RBFOX1: variants seen among roughly 807,000 people sequenced by gnomAD.
The protein encoded by RBFOX1 is RNA binding fox-1 homolog 1.
Under a neutral mutation model 57.7 loss-of-function variants are expected in RBFOX1, and 8 were observed. The ratio of observed to expected loss-of-function variants is 0.14; its 90% CI spans 0.08 to 0.25. RBFOX1 has a LOEUF of 0.25. Ranked by LOEUF, RBFOX1 falls within the 10% of genes least tolerant of loss-of-function variation. RBFOX1 has a pLI of 1.00. For missense variants in RBFOX1, 611 were observed against 548.5 expected, an observed-to-expected ratio of 1.11 and a Z score of -1.14; for synonymous variants, 326 against 222.4, an observed-to-expected ratio of 1.47 and a Z score of -4.15.
intron 11 of RBFOX1, among the ~76,000 whole-genome samples, chr16:7,630,962 T>G (rs376588773): frequency 1.3e-5 from 2 of 152,238 alleles, no homozygotes; most frequent in East Asian, 3.9e-4. Flanking sequence ...TTTAGCTCAT[T>G]GCCTGCCTTC....
intron 4 of RBFOX1, among the ~76,000 whole-genome samples, chr16:7,246,563 C>G (rs553729417): frequency 1.3e-5 from 2 of 151,958 alleles, no homozygotes; most frequent in Non-Finnish European, 1.5e-5. Flanking sequence ...CCACAAACGC[C>G]AAGCTTATTA....
intron 3 of RBFOX1, among the ~76,000 whole-genome samples, chr16:5,691,075 A>T (rs2050662772): frequency 1.3e-5 from 2 of 152,190 alleles, no homozygotes; most frequent in African/African-American, 4.8e-5. Flanking sequence ...ATTCACCCTG[A>T]CTGTGGCTCT....
At chr16:6,283,097 C>G (rs925440150) in intron 1 of RBFOX1, among the ~76,000 whole-genome samples, 6 of 152,136 alleles carry the variant, frequency 3.9e-5, no homozygotes, top group Admixed American at 1.3e-4. Flanking sequence ...GAGGCCAAGG[C>G]AGGAGGATCA....
intron 3 of RBFOX1, among the ~76,000 whole-genome samples, chr16:5,773,529 A>T (rs2054047230): frequency 6.6e-6 from 1 of 152,158 alleles, no homozygotes; most frequent in South Asian, 2.1e-4. Context: ...CAGTTGCTAT[A>T]TTAGTTTTTT....
At chr16:6,731,020 G>C (rs977486615) in intron 3 of RBFOX1, among the ~76,000 whole-genome samples, 3 of 152,120 alleles carry the variant, frequency 2.0e-5, no homozygotes, top group African/African-American at 7.2e-5. Flanking sequence ...ACAAAAGAGA[G>C]GTTATGTTTG....
In RBFOX1 at chr16:6,791,153, C is replaced by T. The variant is rs557681819; in HGVS notation, c.-16+136503C>T. On this transcript the variant is annotated intron_variant, in intron 3 of 15. Coordinates refer to ENST00000550418, the MANE Select transcript of RBFOX1 (RefSeq NM_018723.4). Reference sequence around the variant, plus strand: ...AACTCCTGACCTCAAGAGATCCTCCCGCCTCAGCCTCCCAAAGTGCTGGGG... The same window carrying T: ...AACTCCTGACCTCAAGAGATCCTCCTGCCTCAGCCTCCCAAAGTGCTGGGG... Among the ~76,000 whole-genome samples the T allele has an allele frequency of 4.3e-4, 65 of 152,120 alleles. No individual in the cohort carries two copies. In the East Asian group the frequency reaches 9.3e-3, roughly 22 times the overall value.
intron 12 of RBFOX1, among the ~76,000 whole-genome samples, chr16:7,657,513 C>T (rs983072074): frequency 5.3e-5 from 8 of 152,198 alleles, no homozygotes; most frequent in Admixed American, 4.6e-4. Context: ...CCATTTTGGC[C>T]AGGCTGGTCT....
intron 4 of RBFOX1, among the ~76,000 whole-genome samples, chr16:7,162,864 C>T (rs1325049462): frequency 6.6e-6 from 1 of 152,188 alleles, no homozygotes; most frequent in Non-Finnish European, 1.5e-5. Context: ...GCTGGAGAAG[C>T]AGTGTGGGGT....
intron 4 of RBFOX1, among the ~76,000 whole-genome samples, chr16:5,963,980 G>A (rs936836301): frequency 6.6e-6 from 1 of 152,144 alleles, no homozygotes; most frequent in Non-Finnish European, 1.5e-5. Flanking sequence ...TGAAATGGGA[G>A]AAAATATTTG....
At chr16:6,041,543 G>C (rs75033569) in intron 1 of RBFOX1, among the ~76,000 whole-genome samples, 3 of 151,560 alleles carry the variant, frequency 2.0e-5, no homozygotes, top group African/African-American at 7.3e-5. Context: ...CACATTTTAC[G>C]GATGAGGAAA....
chr16:6,596,483 G>T (rs2097777803), intron 2 of RBFOX1, among the ~76,000 whole-genome samples: 1 of 151,774 alleles, frequency 6.6e-6, no homozygotes, highest in Non-Finnish European at 1.5e-5. Flanking sequence ...CTCCTACTAG[G>T]GAAAAATTAA....
At chr16:6,483,909 G>T (rs1367614927) in intron 2 of RBFOX1, 1 of 1,105,004 alleles carries the variant, frequency 9.0e-7, no homozygotes, top group African/African-American at 1.6e-5. Flanking sequence ...GCGTGAATGG[G>T]ACGCGGTATG....
intron 2 of RBFOX1, among the ~76,000 whole-genome samples, chr16:6,347,946 A>G (rs2085658810): frequency 6.6e-6 from 1 of 152,212 alleles, no homozygotes; most frequent in African/African-American, 2.4e-5. Flanking sequence ...TTTGCATCTC[A>G]GCCTAGCTTA....
intron 4 of RBFOX1, among the ~76,000 whole-genome samples, chr16:5,985,950 A>G (rs2060277348): frequency 6.6e-6 from 1 of 152,204 alleles, no homozygotes; most frequent in Non-Finnish European, 1.5e-5. Flanking sequence ...TTAGGAATCC[A>G]TTAGTATCCA....
chr16:7,563,431 G>A (rs1031698685), intron 5 of RBFOX1, among the ~76,000 whole-genome samples: 1 of 152,164 alleles, frequency 6.6e-6, no homozygotes, highest in Non-Finnish European at 1.5e-5. Flanking sequence ...CTATAAATGT[G>A]TCTTGTTGTT....
chr16:6,231,651 C>T (rs559915668), intron 1 of RBFOX1, among the ~76,000 whole-genome samples: 1 of 152,278 alleles, frequency 6.6e-6, no homozygotes, highest in African/African-American at 2.4e-5. Context: ...AGTCTGAGGC[C>T]ACTTACAATC....
chr16:7,206,230 C>T (rs1007000189), intron 4 of RBFOX1, among the ~76,000 whole-genome samples: 2 of 151,986 alleles, frequency 1.3e-5, no homozygotes, highest in Admixed American at 1.3e-4. Context: ...GTGGATTTAC[C>T]AGACAGTAAC....
upstream of RBFOX1, among the ~76,000 whole-genome samples, chr16:6,017,719 T>C (rs576708215): frequency 6.6e-6 from 1 of 152,220 alleles, no homozygotes; most frequent in South Asian, 2.1e-4. Context: ...GAAGTTCCCT[T>C]TCTTTTATTC....
intron 3 of RBFOX1, among the ~76,000 whole-genome samples, chr16:5,796,058 C>G (rs1042280626): frequency 6.6e-6 from 1 of 152,140 alleles, no homozygotes; most frequent in Admixed American, 6.5e-5. Context: ...AGTGCATTTT[C>G]AGCTTGTAGA....
Sources: gnomAD v4.1 joint callset for allele counts (sites outside exome capture counted in the v4.1 genomes callset) on GRCh38, gnomAD v4.1.1 for gene constraint, MANE v1.5 for transcripts, NCBI Gene and HGNC (gene_info 2026-07-23, HGNC 2026-07-21) for gene names.